Variants in CHMP4C observed in about 807,000 individuals in gnomAD.
The protein encoded by CHMP4C is SNF7 homolog associated with Alix 3.
A neutral mutation model predicts 29.0 loss-of-function variants in CHMP4C; 28 were observed. The ratio of observed to expected loss-of-function variants is 0.97; its 90% CI spans 0.72 to 1.32. The LOEUF (loss-of-function observed/expected upper bound fraction) is 1.32. CHMP4C is among the 40% of genes most tolerant of loss of function. CHMP4C has a pLI of 0.00. For missense variants in CHMP4C, 291 were observed against 281.0 expected, an observed-to-expected ratio of 1.04 and a Z score of -0.25; for synonymous variants, 106 against 102.4, an observed-to-expected ratio of 1.04 and a Z score of -0.21.
chr8:81,748,439 G>A (rs772392238), intron 1 of CHMP4C, among the ~76,000 whole-genome samples: 19 of 152,254 alleles, frequency 1.2e-4, no homozygotes, highest in African/African-American at 2.9e-4. Flanking sequence ...TACAATTTAC[G>A]TTTAGAGATT....
At position 81,753,055 on chromosome 8, in the gene CHMP4C, C is replaced by G; in HGVS notation, c.191-9C>G. ...CTTTCCTAATAAATGTGGCTTCTCT[C>G]TTATTTAGCTGCATTACAGGCACTA... On this transcript the variant is annotated splice_polypyrimidine_tract_variant and intron_variant, in intron 1 of 4. Coordinates refer to ENST00000297265, the MANE Select transcript of CHMP4C (RefSeq NM_152284.4). 1 of 1,593,226 alleles carries G rather than the reference C, an allele frequency of 6.3e-7. No homozygotes were observed. The highest frequency in any genetic ancestry group is 8.5e-7 in the Non-Finnish European group (1 of 1,171,974).
Position 81,739,418 on chromosome 8 carries a change from T to TGGGGGG in CHMP4C, c.190+6606_190+6611dup, listed in dbSNP as rs66536613. Among the ~76,000 whole-genome samples the TGGGGGG allele has an allele frequency of 3.1e-3, 288 of 93,534 alleles. 5 individuals are homozygous for TGGGGGG. Among genetic ancestry groups the TGGGGGG allele is most frequent in the East Asian group, 0.016 (37 of 2,282 alleles). The allele number at this position is 93,534 out of a possible 152,430, so 61.4% of individuals were successfully genotyped here. A position where few individuals can be genotyped will look rare whatever the true frequency, so the allele number is the denominator to read the frequency against. ...CGGTATTCTAAGGCCTGGGGGATTG[T>TGGGGGG]GGGGGGGGGTGGAAAAAAAAAAAGT... On this transcript the variant is annotated intron_variant, in intron 1 of 4. Transcript: ENST00000297265.
At position 81,742,952 on chromosome 8, in the gene CHMP4C, G is replaced by T. The variant is rs550211128; in HGVS notation, c.191-10112G>T. ...TTGTATTTGAAAACATTAAAGAATA[G>T]TATAGTTCATCATCAATTTCAAGGT... On this transcript the variant is annotated intron_variant, in intron 1 of 4. Transcript: ENST00000297265. Among the ~76,000 whole-genome samples, 4 of 152,180 alleles carry T rather than the reference G, an allele frequency of 2.6e-5. No homozygotes were observed. In the South Asian group the frequency reaches 8.3e-4, roughly 32 times the overall value.
chr8:81,753,343 G>C (rs542033545), intron 2 of CHMP4C, 102 bp downstream of exon 2: 1 of 743,028 alleles, frequency 1.3e-6, no homozygotes, highest in African/African-American at 1.8e-5. Context: ...TTACTCATTT[G>C]AGGCTCTTTG....
chr8:81,753,240 ATGTG>A lies in CHMP4C; in HGVS notation c.368_368+3del, dbSNP rs1200358175. The stretch of plus-strand genomic sequence containing the variant: ...AGCGATGAAATCTGTTCATGAAAAC[ATGTG>A]AGTGACTCTGGTCTCCCTCTGAATC... On this transcript the variant is annotated splice_donor_variant and splice_donor_region_variant and coding_sequence_variant and intron_variant, in exon 2 of 5. Transcript: ENST00000297265. LOFTEE classifies it high-confidence loss of function. The A allele has an allele frequency of 6.3e-7, 1 of 1,598,244 alleles. No individual in the cohort carries two copies. The highest frequency in any genetic ancestry group is 8.5e-7 in the Non-Finnish European group (1 of 1,172,498).
At chr8:81,740,570 C>G (rs1808752277) in intron 1 of CHMP4C, among the ~76,000 whole-genome samples, 1 of 152,202 alleles carries the variant, frequency 6.6e-6, no homozygotes. Flanking sequence ...TTTGACAGAT[C>G]AACACTCAAT....
In CHMP4C at chr8:81,755,409, A is replaced by G; in HGVS notation, c.408A>G (p.Thr136=). ...NKIDDLMQEI[T]EQQDIAQEIS... ...TAGATGATTTGATGCAAGAGATCAC[A>G]GAGCAACAGGATATCGCCCAAGAAA... The change falls in exon 3 of 5, where the codon ACA becomes ACG. Residue 136 remains threonine (T), a synonymous_variant. Coordinates refer to ENST00000297265, the MANE Select transcript of CHMP4C (RefSeq NM_152284.4). The G allele has an allele frequency of 6.2e-7, 1 of 1,611,930 alleles. No individual in the cohort carries two copies. The highest frequency in any genetic ancestry group is 8.5e-7 in the Non-Finnish European group (1 of 1,178,422).
intron 1 of CHMP4C, among the ~76,000 whole-genome samples, chr8:81,748,113 C>T (rs905656248): frequency 2.0e-5 from 3 of 152,138 alleles, no homozygotes; most frequent in African/African-American, 4.8e-5. Context: ...AAGAATTCAG[C>T]GATATTTCTC....
chr8:81,758,297 T>G lies in CHMP4C; in HGVS notation c.637+2T>G. 1 of 1,613,890 alleles carries G rather than the reference T, an allele frequency of 6.2e-7. No homozygotes were observed. The highest frequency in any genetic ancestry group is 8.5e-7 in the Non-Finnish European group (1 of 1,179,884). On this transcript the variant is annotated splice_donor_variant, in intron 4 of 4. Coordinates refer to ENST00000297265, the MANE Select transcript of CHMP4C (RefSeq NM_152284.4). LOFTEE classifies it high-confidence loss of function. ...CCACTGCACGTCGATCCCGAGCAGG[T>G]CTGTTACCCAGCTCAACTACATGTG...
Position 81,758,555 on chromosome 8 carries a change from A to C in CHMP4C, c.*11A>C. On this transcript the variant is annotated 3_prime_UTR_variant, in exon 5 of 5. Coordinates refer to ENST00000297265, the MANE Select transcript of CHMP4C (RefSeq NM_152284.4). ...GCTTGGGCTACCTAAACTAAAACAC[A>C]TTTTTGATACCTAAATTAATGAGCT... 6.4e-7 allele frequency: 1 copy of C among 1,561,392 alleles called. No individual in the cohort carries two copies. The highest frequency in any genetic ancestry group is 8.8e-7 in the Non-Finnish European group (1 of 1,132,148).
intron 1 of CHMP4C, among the ~76,000 whole-genome samples, chr8:81,748,500 A>G (rs1808858813): frequency 6.6e-6 from 1 of 152,216 alleles, no homozygotes; most frequent in Non-Finnish European, 1.5e-5. Context: ...TGGGGAACTA[A>G]TAAATGTCCA....
intron 1 of CHMP4C, among the ~76,000 whole-genome samples, chr8:81,739,237 C>T (rs1808730534): frequency 6.6e-6 from 1 of 151,528 alleles, no homozygotes; most frequent in African/African-American, 2.4e-5. Context: ...GCTGGGACTA[C>T]AGGTGTGCGC....
intron 2 of CHMP4C, among the ~76,000 whole-genome samples, chr8:81,754,554 C>T (rs1392222935): frequency 1.3e-5 from 2 of 152,040 alleles, no homozygotes; most frequent in South Asian, 2.1e-4. Context: ...GGTATTTAGG[C>T]TACTTAATAA....
chr8:81,739,418 T>TC (rs113653252), intron 1 of CHMP4C, among the ~76,000 whole-genome samples: 1 of 93,564 alleles, frequency 1.1e-5, no homozygotes, highest in East Asian at 4.4e-4. Flanking sequence ...TGGGGGATTG[T>TC]GGGGGGGGGT....
In CHMP4C at chr8:81,751,675, C is replaced by T. The variant is rs527686291; in HGVS notation, c.191-1389C>T. 1.3e-4 allele frequency among the ~76,000 whole-genome samples: 19 copies of T among 151,846 alleles called. No homozygotes were observed. In the East Asian group the frequency reaches 3.7e-3, roughly 30 times the overall value. ...GAAAGAGAACAAAAAGCATAACAAA[C>T]AGAAAACACAAAAAAGATGACAATA... On this transcript the variant is annotated intron_variant, in intron 1 of 4. Transcript: ENST00000297265.
chr8:81,740,240 C>T (rs1025657537), intron 1 of CHMP4C, among the ~76,000 whole-genome samples: 2 of 152,182 alleles, frequency 1.3e-5, no homozygotes, highest in African/African-American at 4.8e-5. Flanking sequence ...CCTTTTGGCA[C>T]CAGGGACCAG....
intron 1 of CHMP4C, 100 bp from the exon 2 acceptor site, chr8:81,752,964 A>T: frequency 2.2e-6 from 2 of 927,330 alleles, no homozygotes; most frequent in Non-Finnish European, 1.6e-6. Context: ...CGTTGTCCTT[A>T]GTTATCAGAA....
intron 1 of CHMP4C, among the ~76,000 whole-genome samples, chr8:81,740,954 G>C (rs1808756018): frequency 6.6e-6 from 1 of 152,146 alleles, no homozygotes; most frequent in African/African-American, 2.4e-5. Context: ...GCAACCAAAA[G>C]AAAAGAAGCC....
chr8:81,752,946 G>A (rs1808925137), intron 1 of CHMP4C, 118 bp from the exon 2 acceptor site: 2 of 699,696 alleles, frequency 2.9e-6, no homozygotes, highest in Admixed American at 6.4e-5. Flanking sequence ...GGTTTATTTT[G>A]GTATACTCGT....
Sources: gnomAD v4.1 joint callset for allele counts (sites outside exome capture counted in the v4.1 genomes callset) on GRCh38, gnomAD v4.1.1 for gene constraint, MANE v1.5 for transcripts, NCBI Gene and HGNC (gene_info 2026-07-23, HGNC 2026-07-21) for gene names.